The following CNMD variants were observed in gnomAD, a reference collection of about 807,000 sequenced individuals.
CNMD encodes the protein chondromodulin.
In CNMD, 30 loss-of-function variants were observed where a neutral mutation model predicts 37.5. The ratio of observed to expected loss-of-function variants is 0.80; its 90% CI spans 0.60 to 1.09. CNMD has a LOEUF of 1.09. CNMD is among the 50% of genes least tolerant of loss of function. The probability of loss-of-function intolerance (pLI) is 0.00; values close to 1 mark genes in which losing one functional copy is unlikely to be tolerated. For missense variants in CNMD, 398 were observed against 423.9 expected, an observed-to-expected ratio of 0.94 and a Z score of 0.54; for synonymous variants, 167 against 148.2, an observed-to-expected ratio of 1.13 and a Z score of -0.92.
chr13:52,733,350 C>T lies in CNMD; in HGVS notation c.223G>A (p.Val75Ile), dbSNP rs879928961. ...CCATTGATACTCATGGTGTAATGGACATTGTAAATCTGAAAGTGAGCATAA... is the reference window on the plus strand; with the variant it reads ...CCATTGATACTCATGGTGTAATGGATATTGTAAATCTGAAAGTGAGCATAA... ...WKGSDSHIYN[V>I]HYTMSINGKL... Residue 75 changes from valine (V) to isoleucine (I), a missense_variant, in exon 3 of 7, where the codon GTC becomes ATC. Coordinates refer to ENST00000377962, the MANE Select transcript of CNMD (RefSeq NM_007015.3). 5 of 1,613,772 alleles carry T rather than the reference C, an allele frequency of 3.1e-6. No homozygotes were observed. Among genetic ancestry groups the T allele is most frequent in the Non-Finnish European group, 3.4e-6 (4 of 1,179,822 alleles).
At chr13:52,729,426 C>T (rs1048531927) in intron 3 of CNMD, among the ~76,000 whole-genome samples, 11 of 152,314 alleles carry the variant, frequency 7.2e-5, no homozygotes, top group African/African-American at 2.6e-4. Context: ...TAATGTACAA[C>T]AAATTTCCTA....
rs559912073 is a variant in CNMD, at chr13:52,738,026, G to T, written c.213+1005C>A. 2.6e-5 allele frequency among the ~76,000 whole-genome samples: 4 copies of T among 152,294 alleles called. No individual in the cohort carries two copies. In the South Asian group the frequency reaches 8.3e-4, roughly 32 times the overall value. ...CTGCAGAAGACGTGATGTGTAAAAT[G>T]GTTGAATTGCTTTCAGCACCATTTT... On this transcript the variant is annotated intron_variant, in intron 2 of 6. Coordinates refer to ENST00000377962, the MANE Select transcript of CNMD (RefSeq NM_007015.3).
chr13:52,732,851 T>A (rs1052480937), intron 3 of CNMD, among the ~76,000 whole-genome samples: 1 of 152,212 alleles, frequency 6.6e-6, no homozygotes, highest in African/African-American at 2.4e-5. Context: ...GGTATTGTGG[T>A]TTTTTTCTTC....
Position 52,739,261 on chromosome 13 carries a change from AG to A in CNMD, c.73-91del. 2.2e-6 allele frequency: 3 copies of A among 1,377,522 alleles called. No individual in the cohort carries two copies. The highest frequency in any genetic ancestry group is 2.8e-6 in the Non-Finnish European group (3 of 1,057,626). 85.3% of individuals were successfully genotyped at this position (1,377,522 alleles called of 1,614,324 possible). A position where few individuals can be genotyped will look rare whatever the true frequency, so the allele number is the denominator to read the frequency against. On this transcript the variant is annotated intron_variant, in intron 1 of 6. Coordinates refer to ENST00000377962, the MANE Select transcript of CNMD (RefSeq NM_007015.3). This position sits in a 1 kb window ranked among gnomAD's most constrained non-coding sequence, Gnocchi z 5.4. Reference sequence around the variant, plus strand: ...ACCCGGGCCCCACGCGGTAGCCCCCAGGGAGTGGGGAGTCGGGCGGGAAACA... The same window carrying A: ...ACCCGGGCCCCACGCGGTAGCCCCCAGGAGTGGGGAGTCGGGCGGGAAACA...
intron 3 of CNMD, among the ~76,000 whole-genome samples, chr13:52,729,889 T>G (rs1047907208): frequency 6.6e-6 from 1 of 152,138 alleles, no homozygotes; most frequent in Admixed American, 6.5e-5. Context: ...GCAGGTTTGT[T>G]ACATATGTAT....
chr13:52,711,151 A>G (rs1964284108), intron 5 of CNMD, among the ~76,000 whole-genome samples: 1 of 152,200 alleles, frequency 6.6e-6, no homozygotes. Flanking sequence ...TATGGCACGT[A>G]CTAGGCCCTC....
intron 2 of CNMD, among the ~76,000 whole-genome samples, chr13:52,734,571 C>CT (rs918574042): frequency 1.0e-4 from 15 of 145,576 alleles, no homozygotes; most frequent in South Asian, 4.4e-4. Context: ...AGGTGGGTTT[C>CT]TTTTTTTTTT....
chr13:52,723,022 C>T lies in CNMD; in HGVS notation c.468+975G>A, dbSNP rs549864975. On this transcript the variant is annotated intron_variant, in intron 4 of 6. Transcript: ENST00000377962. ...GCTTTCCAGCAGAGGCTGTGTGATC[C>T]GCTATTGTGGGTCCCTTTAATGAAG... 3.9e-5 allele frequency among the ~76,000 whole-genome samples: 6 copies of T among 152,230 alleles called. No individual in the cohort carries two copies. The East Asian group carries it at 5.8e-4, about 15-fold the overall frequency.
intron 2 of CNMD, among the ~76,000 whole-genome samples, chr13:52,737,919 T>C (rs895093543): frequency 1.3e-5 from 2 of 152,260 alleles, no homozygotes; most frequent in Admixed American, 1.3e-4. Context: ...AAATTTGATA[T>C]AGTCTCTAAA....
At chr13:52,727,467 G>A (rs1964593618) in intron 3 of CNMD, among the ~76,000 whole-genome samples, 1 of 152,104 alleles carries the variant, frequency 6.6e-6, no homozygotes, top group East Asian at 1.9e-4. Flanking sequence ...TTCGCAACCA[G>A]CCTGCACAAC....
At chr13:52,738,954 G>T in intron 2 of CNMD, 77 bp downstream of exon 2, 1 of 1,328,874 alleles carries the variant, frequency 7.5e-7, no homozygotes. Flanking sequence ...CGCGCCCCTC[G>T]CCGGCCCGCG....
chr13:52,709,699 G>T (rs915855623), intron 5 of CNMD, among the ~76,000 whole-genome samples: 16 of 152,194 alleles, frequency 1.1e-4, no homozygotes, highest in African/African-American at 3.6e-4. Context: ...CAGGCCAGGA[G>T]CAGTAGCTCA....
In CNMD at chr13:52,739,481, T is replaced by C; in HGVS notation, c.72+149A>G. 2.7e-6 allele frequency: 2 copies of C among 751,832 alleles called. No homozygotes were observed. Among genetic ancestry groups the C allele is most frequent in the African/African-American group, 1.7e-5 (1 of 57,874 alleles). The allele number at this position is 751,832 out of a possible 1,614,324, so 46.6% of individuals were successfully genotyped here. A position where few individuals can be genotyped will look rare whatever the true frequency, so the allele number is the denominator to read the frequency against. ...CGTGACCCCTGCACACTCATACGCGTGGGGCGACATCCCACCCACACATTT... is the reference window on the plus strand; with the variant it reads ...CGTGACCCCTGCACACTCATACGCGCGGGGCGACATCCCACCCACACATTT... On this transcript the variant is annotated intron_variant, in intron 1 of 6. Coordinates refer to ENST00000377962, the MANE Select transcript of CNMD (RefSeq NM_007015.3). This position sits in a 1 kb window ranked among gnomAD's most constrained non-coding sequence, Gnocchi z 5.4.
rs749018448 is a variant in CNMD at position 52,733,345 on chromosome 13, A to G, written c.228T>C (p.His76=). 6.8e-6 allele frequency: 11 copies of G among 1,613,792 alleles called. No individual in the cohort carries two copies. Among genetic ancestry groups the G allele is most frequent in the Admixed American group, 3.3e-5 (2 of 59,986 alleles). ...ATTTCCCATTGATACTCATGGTGTA[A>G]TGGACATTGTAAATCTGAAAGTGAG... ...KGSDSHIYNV[H]YTMSINGKLQ... The change falls in exon 3 of 7, where the codon CAT becomes CAC. Residue 76 remains histidine, a synonymous_variant. Coordinates refer to ENST00000377962, the MANE Select transcript of CNMD (RefSeq NM_007015.3).
At chr13:52,738,054 GT>G (rs1964802810) in intron 2 of CNMD, among the ~76,000 whole-genome samples, 1 of 152,228 alleles carries the variant, frequency 6.6e-6, no homozygotes, top group Non-Finnish European at 1.5e-5. Flanking sequence ...ACCATTTTCT[GT>G]AAGTACTGGA....
chr13:52,733,296 C>T lies in CNMD; in HGVS notation c.277G>A (p.Asp93Asn), dbSNP rs1445604520. ...GKLQDGSMEI[D>N]AGNNLETFKM... ...AAGGTCTCCAAGTTGTTCCCAGCGT[C>T]TATTTCCATTGACCCATCTTGTAAT... The change falls in exon 3 of 7, where the codon GAC becomes AAC. Residue 93 changes from aspartate (D) to asparagine (N), a missense_variant. Asp to Asn is a conservative substitution (Grantham distance 23, BLOSUM62 1). Coordinates refer to ENST00000377962, the MANE Select transcript of CNMD (RefSeq NM_007015.3). 3 of 1,613,852 alleles carry T rather than the reference C, an allele frequency of 1.9e-6. No individual in the cohort carries two copies. The highest frequency in any genetic ancestry group is 2.2e-5 in the South Asian group (2 of 91,074).
intron 4 of CNMD, among the ~76,000 whole-genome samples, chr13:52,714,968 CTAATATT>C (rs1566221699): frequency 1.3e-5 from 2 of 152,086 alleles, no homozygotes; most frequent in African/African-American, 4.8e-5. Flanking sequence ...ACTCCTTTTA[CTAATATT>C]TTAGTCAAGA....
chr13:52,719,036 G>A (rs1221449291), intron 4 of CNMD, among the ~76,000 whole-genome samples: 1 of 152,144 alleles, frequency 6.6e-6, no homozygotes, highest in South Asian at 2.1e-4. Context: ...ATATATTTAG[G>A]ATAGTTAGTT....
At chr13:52,704,472 C>T (rs1964142526) in intron 6 of CNMD, among the ~76,000 whole-genome samples, 1 of 110,860 alleles carries the variant, frequency 9.0e-6, no homozygotes, top group Non-Finnish European at 2.0e-5. Flanking sequence ...TATATAAACA[C>T]AAGATTACAT....
Sources: gnomAD v4.1 joint callset for allele counts (sites outside exome capture counted in the v4.1 genomes callset) on GRCh38, gnomAD v4.1.1 for gene constraint, Gnocchi (gnomAD v3.1) non-coding constraint, MANE v1.5 for transcripts, NCBI Gene and HGNC (gene_info 2026-07-23, HGNC 2026-07-21) for gene names.